The following ACBD6 variants were observed in gnomAD, a reference collection of about 807,000 sequenced individuals.
ACBD6 encodes the protein acyl-CoA binding domain containing 6.
In ACBD6, 28 loss-of-function variants were observed where a neutral mutation model predicts 37.2. That is an observed-to-expected ratio of 0.75 (90% CI 0.56 to 1.03). ACBD6 has a LOEUF of 1.03. Among genes scored for constraint, ACBD6 ranks in the 50% least tolerant of loss-of-function variants. ACBD6 has a pLI of 0.00. For synonymous variants in ACBD6, 113 were observed against 126.8 expected (o/e 0.89, Z 0.73); for missense variants, 340 against 337.4 (o/e 1.01, Z -0.06).
intron 3 of ACBD6, among the ~76,000 whole-genome samples, chr1:180,462,826 C>A (rs1650204250): frequency 6.6e-6 from 1 of 152,122 alleles, no homozygotes; most frequent in African/African-American, 2.4e-5. Context: ...GTCACATAAT[C>A]AGAAGTAAAA....
At chr1:180,412,947 A>G (rs1248424428) in intron 5 of ACBD6, among the ~76,000 whole-genome samples, 2 of 152,188 alleles carry the variant, frequency 1.3e-5, no homozygotes, top group Admixed American at 6.5e-5. Context: ...CATTTAAATT[A>G]TTGATTTACC....
At chr1:180,397,658 A>G in intron 5 of ACBD6, 53 bp from the exon 6 acceptor site, 1 of 1,388,074 alleles carries the variant, frequency 7.2e-7, no homozygotes, top group African/African-American at 1.4e-5. Context: ...GAGCCATGTA[A>G]AAGATATAAT....
chr1:180,385,717 T>G (rs1045539291), intron 6 of ACBD6, among the ~76,000 whole-genome samples: 1 of 152,052 alleles, frequency 6.6e-6, no homozygotes, highest in Admixed American at 6.5e-5. Context: ...CAAGCCAAGT[T>G]GAGAGGCCTC....
intron 6 of ACBD6, among the ~76,000 whole-genome samples, chr1:180,341,510 A>G (rs1651986249): frequency 6.6e-6 from 1 of 151,888 alleles, no homozygotes; most frequent in Admixed American, 6.6e-5. Flanking sequence ...AGTTTTCCCT[A>G]TTTTCTGTAT....
chr1:180,487,955 G>A (rs1243755951), intron 3 of ACBD6, among the ~76,000 whole-genome samples: 3 of 152,128 alleles, frequency 2.0e-5, no homozygotes, highest in African/African-American at 4.8e-5. Flanking sequence ...ACTCACTGGG[G>A]GTCTTGGAAC....
rs74859846 is a variant in ACBD6, at chr1:180,405,082, A to G, written c.574-7477T>C. On this transcript the variant is annotated intron_variant, in intron 5 of 7. Coordinates refer to ENST00000367595, the MANE Select transcript of ACBD6 (RefSeq NM_032360.4). The stretch of plus-strand genomic sequence containing the variant: ...TAATCAACTATATAACCAAAATAAT[A>G]TATACCCTGATATAGAAAGTGATTT... Among the ~76,000 whole-genome samples the G allele has an allele frequency of 7.7e-4, 117 of 152,314 alleles. 1 individual carries two copies. The highest frequency in any genetic ancestry group is 2.7e-3 in the African/African-American group (114 of 41,578).
intron 7 of ACBD6, among the ~76,000 whole-genome samples, chr1:180,293,091 A>G (rs919837961): frequency 6.6e-6 from 1 of 152,180 alleles, no homozygotes; most frequent in African/African-American, 2.4e-5. Context: ...AAAATTTATT[A>G]ACCTTTTTGT....
chr1:180,330,240 T>C (rs748611672), intron 6 of ACBD6, among the ~76,000 whole-genome samples: 1 of 151,304 alleles, frequency 6.6e-6, no homozygotes, highest in African/African-American at 2.4e-5. Flanking sequence ...TAGGGAGACC[T>C]TGACTCTATA....
At chr1:180,320,498 G>A (rs1558248380) in intron 6 of ACBD6, among the ~76,000 whole-genome samples, 1 of 152,026 alleles carries the variant, frequency 6.6e-6, no homozygotes, top group Non-Finnish European at 1.5e-5. Context: ...AATTAGCCAC[G>A]CACAGTGGCT....
chr1:180,492,080 A>T (rs141619635), intron 3 of ACBD6, among the ~76,000 whole-genome samples, 189 bp downstream of exon 3: 401 of 152,306 alleles, frequency 2.6e-3, no homozygotes, highest in African/African-American at 9.4e-3. Context: ...GAGTGCTGGG[A>T]TTACAGGTAT....
rs370518748 is a variant in ACBD6 at position 180,387,094 on chromosome 1, T to C, written c.663+10422A>G. ...TAGGAGTTGTAGTTCCAATAATAAT[T>C]TCATTTTCAGAGCCCTTACAGTACT... On this transcript the variant is annotated intron_variant, in intron 6 of 7. Coordinates refer to ENST00000367595, the MANE Select transcript of ACBD6 (RefSeq NM_032360.4). 7.2e-5 allele frequency among the ~76,000 whole-genome samples: 11 copies of C among 152,226 alleles called. No individual in the cohort carries two copies. The East Asian group carries it at 9.6e-4, about 13-fold the overall frequency.
intron 4 of ACBD6, among the ~76,000 whole-genome samples, chr1:180,414,235 A>G (rs1647986344): frequency 6.6e-6 from 1 of 152,234 alleles, no homozygotes; most frequent in Non-Finnish European, 1.5e-5. Context: ...AGTGACTCCC[A>G]TAACGATCAG....
chr1:180,497,543 T>A (rs997736958), intron 1 of ACBD6, among the ~76,000 whole-genome samples: 4 of 152,238 alleles, frequency 2.6e-5, no homozygotes, highest in African/African-American at 9.6e-5. Flanking sequence ...ATGGGTTATA[T>A]CTATCGATAT....
intron 3 of ACBD6, among the ~76,000 whole-genome samples, chr1:180,483,214 A>C (rs1393679399): frequency 6.6e-6 from 1 of 152,080 alleles, no homozygotes; most frequent in Non-Finnish European, 1.5e-5. Context: ...CTCTATACAG[A>C]ATGTTCTTCC....
chr1:180,280,239 T>C (rs548292272), intron 9 of ACBD6, among the ~76,000 whole-genome samples: 1 of 152,290 alleles, frequency 6.6e-6, no homozygotes, highest in South Asian at 2.1e-4. Flanking sequence ...CTGGAATACT[T>C]GGTGAAATAT....
intron 6 of ACBD6, among the ~76,000 whole-genome samples, chr1:180,359,822 ATTTT>A: frequency 6.6e-6 from 1 of 152,250 alleles, no homozygotes; most frequent in South Asian, 2.1e-4. Context: ...TCCAAAGTGC[ATTTT>A]AAGAACAGAT....
chr1:180,388,854 A>G (rs1442432785), intron 6 of ACBD6, among the ~76,000 whole-genome samples: 1 of 152,228 alleles, frequency 6.6e-6, no homozygotes, highest in African/African-American at 2.4e-5. Flanking sequence ...AATTTAACAA[A>G]AGAAGTGTAA....
chr1:180,490,491 A>G (rs1267443530), intron 3 of ACBD6, among the ~76,000 whole-genome samples: 4 of 151,632 alleles, frequency 2.6e-5, no homozygotes, highest in Non-Finnish European at 5.9e-5. Context: ...AAAAAAAAAA[A>G]GAGGCCAGGC....
At chr1:180,279,510 C>A (rs1245095164) in intron 9 of ACBD6, among the ~76,000 whole-genome samples, 1 of 152,160 alleles carries the variant, frequency 6.6e-6, no homozygotes, top group East Asian at 1.9e-4. Flanking sequence ...GTTGGCCAGG[C>A]TGGTCTCGAA....
Sources: allele counts gnomAD v4.1 joint callset (sites outside exome capture counted in the v4.1 genomes callset), GRCh38; gene constraint gnomAD v4.1.1; transcripts MANE v1.5; gene names NCBI Gene and HGNC (gene_info 2026-07-23, HGNC 2026-07-21).